Variants in DCDC1 observed in about 807,000 individuals in gnomAD.
The protein encoded by DCDC1 is doublecortin domain containing 1.
In DCDC1, 200 loss-of-function variants were observed where a neutral mutation model predicts 178.3. The observed-to-expected ratio is 1.12, with a 90% CI of 1.00 to 1.26. The LOEUF (loss-of-function observed/expected upper bound fraction) is 1.26. DCDC1 is among the 50% of genes most tolerant of loss of function. DCDC1 has a pLI of 0.00. For missense variants in DCDC1, 1,983 were observed against 1,749.2 expected (o/e 1.13, Z -2.38); for synonymous variants, 690 against 604.8 (o/e 1.14, Z -2.07).
intron 20 of DCDC1, among the ~76,000 whole-genome samples, chr11:31,018,248 A>T (rs1952622296): frequency 1.3e-5 from 2 of 152,250 alleles, no homozygotes; most frequent in Non-Finnish European, 2.9e-5. Flanking sequence ...CTTACAAATT[A>T]ATCAGAGGGT....
chr11:31,206,539 G>A (rs1971886315), intron 9 of DCDC1, among the ~76,000 whole-genome samples: 1 of 152,114 alleles, frequency 6.6e-6, no homozygotes, highest in Non-Finnish European at 1.5e-5. Context: ...TCAGCCTCCG[G>A]AGTAGCTGGG....
At chr11:31,195,678 A>G (rs1214481901) in intron 9 of DCDC1, among the ~76,000 whole-genome samples, 1 of 151,732 alleles carries the variant, frequency 6.6e-6, no homozygotes, top group Non-Finnish European at 1.5e-5. Context: ...ACACTTACCA[A>G]CGTTTCTAAT....
At position 30,911,361 on chromosome 11, in the gene DCDC1, C is replaced by A; in HGVS notation, c.3713G>T (p.Arg1238Ile). 6.2e-7 allele frequency: 1 copy of A among 1,606,046 alleles called. No homozygotes were observed. The highest frequency in any genetic ancestry group is 8.5e-7 in the Non-Finnish European group (1 of 1,176,216). ...LVLAVSMTKT[R>I]NEVCGYPVIV... ...AACTGGATAGCCACAAACTTCATTT[C>A]TAGTCTTGGTCATAGACACTGCCAG... Residue 1238 changes from arginine to isoleucine, a missense_variant, in exon 28 of 39, where the codon AGA (arginine) becomes ATA (isoleucine). Arg to Ile is a moderately conservative substitution (Grantham distance 97). Coordinates refer to ENST00000684477, the MANE Select transcript of DCDC1 (RefSeq NM_001387274.1).
intron 9 of DCDC1, among the ~76,000 whole-genome samples, chr11:31,206,777 G>A (rs1971917780): frequency 6.6e-6 from 1 of 152,146 alleles, no homozygotes; most frequent in Non-Finnish European, 1.5e-5. Flanking sequence ...CTTCAATGGA[G>A]AAAAGATGAA....
intron 11 of DCDC1, among the ~76,000 whole-genome samples, chr11:31,121,536 G>A (rs989369527): frequency 6.6e-6 from 1 of 150,550 alleles, no homozygotes; most frequent in Non-Finnish European, 1.5e-5. Flanking sequence ...ATTTTCTAAC[G>A]TTAAGACCAA....
At chr11:31,149,811 G>C (rs1249932048) in intron 9 of DCDC1, among the ~76,000 whole-genome samples, 1 of 152,070 alleles carries the variant, frequency 6.6e-6, no homozygotes, top group Non-Finnish European at 1.5e-5. Context: ...AGAAACTCCA[G>C]ACACCTCTGA....
intron 36 of DCDC1, among the ~76,000 whole-genome samples, chr11:30,891,907 C>T (rs1467865685): frequency 6.6e-6 from 1 of 152,148 alleles, no homozygotes; most frequent in Non-Finnish European, 1.5e-5. Flanking sequence ...AGGGGCAGAA[C>T]CATCTCAGGT....
At chr11:30,869,422 A>G (rs539307713) in intron 38 of DCDC1, among the ~76,000 whole-genome samples, 11 of 152,356 alleles carry the variant, frequency 7.2e-5, no homozygotes. Context: ...AACTTTTTAA[A>G]CCAACAAGTT....
chr11:31,045,574 T>A (rs1300100927), intron 20 of DCDC1, among the ~76,000 whole-genome samples: 3 of 152,144 alleles, frequency 2.0e-5, no homozygotes, highest in Non-Finnish European at 4.4e-5. Context: ...ACTTGCTTTT[T>A]AAAAAACATT....
chr11:30,931,977 T>TA (rs1343797604), intron 21 of DCDC1, 25 bp from the exon 22 acceptor site: 1 of 1,583,826 alleles, frequency 6.3e-7, no homozygotes, highest in Non-Finnish European at 8.6e-7. Flanking sequence ...GACAAAAACA[T>TA]AATAATAAAT....
intron 20 of DCDC1, among the ~76,000 whole-genome samples, chr11:30,958,872 C>T (rs771061109): frequency 2.6e-4 from 40 of 151,990 alleles, no homozygotes; most frequent in Non-Finnish European, 1.8e-4. Flanking sequence ...CTGAAATTTG[C>T]CCCTACACAG....
intron 17 of DCDC1, 116 bp from the exon 18 acceptor site, chr11:31,078,041 C>T (rs1956966830): frequency 1.5e-6 from 1 of 659,348 alleles, no homozygotes; most frequent in African/African-American, 1.8e-5. Flanking sequence ...CCACACTCTA[C>T]CAAAGATTCT....
intron 9 of DCDC1, among the ~76,000 whole-genome samples, chr11:31,199,749 C>T (rs1971081472): frequency 6.6e-6 from 1 of 152,022 alleles, no homozygotes; most frequent in Admixed American, 6.6e-5. Flanking sequence ...TCAGAATTCA[C>T]ATACTTTGTG....
At chr11:31,007,028 G>T (rs569620902) in intron 20 of DCDC1, among the ~76,000 whole-genome samples, 1 of 152,238 alleles carries the variant, frequency 6.6e-6, no homozygotes, top group Non-Finnish European at 1.5e-5. Flanking sequence ...TCTCATGCCT[G>T]CCATGGTCAA....
At chr11:31,110,448 G>T (rs1041085940) in intron 11 of DCDC1, 87 bp from the exon 12 acceptor site, 94 of 588,232 alleles carry the variant, frequency 1.6e-4, no homozygotes, top group South Asian at 4.6e-4. Flanking sequence ...AATTTAGGCA[G>T]TCATCCTTTT....
intron 9 of DCDC1, among the ~76,000 whole-genome samples, chr11:31,170,747 T>C (rs750755651): frequency 7.2e-5 from 11 of 152,214 alleles, no homozygotes; most frequent in Non-Finnish European, 1.5e-4. Flanking sequence ...GTTTACTCTT[T>C]AGGCACAAGA....
chr11:31,349,773 G>C (rs935965165), intron 1 of DCDC1, among the ~76,000 whole-genome samples: 2 of 152,078 alleles, frequency 1.3e-5, no homozygotes, highest in African/African-American at 4.8e-5. Context: ...GGCTGAGGCA[G>C]GAGGATTGCT....
intron 21 of DCDC1, among the ~76,000 whole-genome samples, chr11:30,938,970 C>T (rs1273797980): frequency 1.3e-5 from 2 of 152,038 alleles, no homozygotes; most frequent in African/African-American, 2.4e-5. Flanking sequence ...GTTTCTTTTA[C>T]ACCCTGTGAG....
chr11:31,222,393 T>G (rs1974375839), intron 9 of DCDC1, among the ~76,000 whole-genome samples: 1 of 152,116 alleles, frequency 6.6e-6, no homozygotes, highest in Non-Finnish European at 1.5e-5. Context: ...TCTTGCTTAT[T>G]TCCACTGAAA....
Sources: gnomAD v4.1 joint callset for allele counts (sites outside exome capture counted in the v4.1 genomes callset) on GRCh38, gnomAD v4.1.1 for gene constraint, MANE v1.5 for transcripts, NCBI Gene and HGNC (gene_info 2026-07-23, HGNC 2026-07-21) for gene names.